The following IFT43 variants were observed in gnomAD, a reference collection of about 807,000 sequenced individuals.
IFT43 encodes the protein intraflagellar transport protein 43 homolog.
Under a neutral mutation model 32.3 loss-of-function variants are expected in IFT43, and 33 were observed. The observed-to-expected ratio is 1.02, with a 90% CI of 0.77 to 1.37. IFT43 has a LOEUF of 1.37. IFT43 is among the 40% of genes most tolerant of loss of function. IFT43 has a pLI of 0.00. For synonymous variants in IFT43, 93 were observed against 98.2 expected (o/e 0.95, Z 0.31); for missense variants, 274 against 265.9 (o/e 1.03, Z -0.21).
chr14:76,026,468 G>T (rs1339997247), intron 3 of IFT43, among the ~76,000 whole-genome samples: 2 of 147,086 alleles, frequency 1.4e-5, no homozygotes, highest in African/African-American at 5.0e-5. Flanking sequence ...CAAGGCAGTA[G>T]AATTGCTTGA....
intron 2 of IFT43, among the ~76,000 whole-genome samples, chr14:75,999,267 A>ATATATATATATATTTT (rs2035830036): frequency 4.1e-5 from 1 of 24,492 alleles, no homozygotes. Flanking sequence ...ATATATATAT[A>ATATATATATATATTTT]TATATGTATA....
At chr14:75,998,930 A>G (rs897190854) in intron 2 of IFT43, among the ~76,000 whole-genome samples, 19 of 152,194 alleles carry the variant, frequency 1.2e-4, no homozygotes, top group Non-Finnish European at 2.6e-4. Context: ...AGACAAGGTC[A>G]TGCTGTGTTG....
rs927541203 is a variant in IFT43, at chr14:76,058,261, C to T, written c.216-381C>T. 3 of 264,352 alleles carry T rather than the reference C, an allele frequency of 1.1e-5. No individual in the cohort carries two copies. In the East Asian group the frequency reaches 3.1e-4, roughly 27 times the overall value. 16.4% of individuals were successfully genotyped at this position (264,352 alleles called of 1,614,324 possible). A position where few individuals can be genotyped will look rare whatever the true frequency, so the allele number is the denominator to read the frequency against. The stretch of plus-strand genomic sequence containing the variant: ...TTTTGCTCGTTGCAAGTCGCAAGTG[C>T]TGACAGCTAACAACACCAAATAAGA... On this transcript the variant is annotated intron_variant, in intron 3 of 8. Coordinates refer to ENST00000314067, the MANE Select transcript of IFT43 (RefSeq NM_001102564.3).
chr14:76,037,774 G>A (rs968905184), intron 3 of IFT43, among the ~76,000 whole-genome samples: 8 of 151,754 alleles, frequency 5.3e-5, no homozygotes, highest in African/African-American at 1.7e-4. Flanking sequence ...TAACAAGCGA[G>A]TGGTTACTAT....
intron 2 of IFT43, among the ~76,000 whole-genome samples, chr14:76,000,825 AT>A (rs2035870879): frequency 6.6e-6 from 1 of 152,268 alleles, no homozygotes; most frequent in Non-Finnish European, 1.5e-5. Flanking sequence ...GGATAATGAC[AT>A]TTTTGAGACT....
Position 75,994,185 on chromosome 14 carries a change from T to G in IFT43, c.147+5208T>G, listed in dbSNP as rs369317360. 1.2e-3 allele frequency among the ~76,000 whole-genome samples: 187 copies of G among 152,274 alleles called. 5 individuals are homozygous for G. In the South Asian group the frequency reaches 0.037, roughly 30 times the overall value. ...TGTACATTCTTCTCCAGTTTTTGTTTTGGAGTTGAGTGAAAAAAAATTGTA... is the reference window on the plus strand; with the variant it reads ...TGTACATTCTTCTCCAGTTTTTGTTGTGGAGTTGAGTGAAAAAAAATTGTA... On this transcript the variant is annotated intron_variant, in intron 2 of 8. Coordinates refer to ENST00000314067, the MANE Select transcript of IFT43 (RefSeq NM_001102564.3).
At chr14:76,047,334 T>C (rs7148309) in intron 3 of IFT43, among the ~76,000 whole-genome samples, 127,709 of 152,154 alleles carry the variant, frequency 0.84, 53,724 homozygotes, top group Non-Finnish European at 0.87. Context: ...TCCTCTCTGA[T>C]GTGGGGAATA....
At chr14:75,991,860 TA>T (rs2035650654) in intron 2 of IFT43, among the ~76,000 whole-genome samples, 1 of 152,226 alleles carries the variant, frequency 6.6e-6, no homozygotes, top group Admixed American at 6.5e-5. Flanking sequence ...AATTGAGGTT[TA>T]AACAGTGTGG....
chr14:76,066,020 A>C (rs2037219426), intron 5 of IFT43, among the ~76,000 whole-genome samples: 1 of 152,212 alleles, frequency 6.6e-6, no homozygotes, highest in South Asian at 2.1e-4. Flanking sequence ...ATGGACCTTG[A>C]CCTCAGGGCC....
intron 3 of IFT43, among the ~76,000 whole-genome samples, chr14:76,041,825 C>G (rs2036712794): frequency 6.6e-6 from 1 of 152,148 alleles, no homozygotes; most frequent in Non-Finnish European, 1.5e-5. Flanking sequence ...GCAGTAAGTA[C>G]ATCCTAGAGA....
intron 2 of IFT43, among the ~76,000 whole-genome samples, chr14:76,007,326 G>A (rs1021565936): frequency 7.9e-5 from 12 of 152,188 alleles, no homozygotes; most frequent in Non-Finnish European, 1.3e-4. Context: ...TCACCACTGC[G>A]TGATACAGAG....
In IFT43 at chr14:76,019,854, T is replaced by A. The variant is rs545383570; in HGVS notation, c.148-2473T>A. On this transcript the variant is annotated intron_variant, in intron 2 of 8. Transcript: ENST00000314067. ...CTAGTTTATTATTGAAGCTCTTGATTGTATTTTTTCTTTCTTTCATTGACT... is the reference window on the plus strand; with the variant it reads ...CTAGTTTATTATTGAAGCTCTTGATAGTATTTTTTCTTTCTTTCATTGACT... Among the ~76,000 whole-genome samples, 19 of 152,264 alleles carry A rather than the reference T, an allele frequency of 1.2e-4. 1 individual carries two copies. The East Asian group carries it at 2.9e-3, about 23-fold the overall frequency.
intron 2 of IFT43, among the ~76,000 whole-genome samples, chr14:76,007,482 G>T (rs1399099499): frequency 6.6e-6 from 1 of 152,148 alleles, no homozygotes; most frequent in Non-Finnish European, 1.5e-5. Context: ...CAAGGTTACA[G>T]CTTGCTTCTA....
At chr14:75,997,013 G>A (rs1263185543) in intron 2 of IFT43, among the ~76,000 whole-genome samples, 1 of 152,152 alleles carries the variant, frequency 6.6e-6, no homozygotes, top group Non-Finnish European at 1.5e-5. Context: ...AGATATGAGA[G>A]TAAACACGTT....
At chr14:76,042,487 G>A (rs1194280783) in intron 3 of IFT43, among the ~76,000 whole-genome samples, 1 of 152,152 alleles carries the variant, frequency 6.6e-6, no homozygotes, top group Admixed American at 6.5e-5. Context: ...AACATGTTCA[G>A]CTTGTGAGAA....
intron 2 of IFT43, among the ~76,000 whole-genome samples, chr14:76,004,337 T>G (rs2035943210): frequency 6.8e-6 from 1 of 147,992 alleles, no homozygotes; most frequent in Non-Finnish European, 1.5e-5. Flanking sequence ...AGATTGAGAG[T>G]TTTTTTTTTC....
chr14:76,007,586 A>G (rs771943151), intron 2 of IFT43, among the ~76,000 whole-genome samples: 2 of 152,224 alleles, frequency 1.3e-5, no homozygotes, highest in African/African-American at 2.4e-5. Context: ...GTCATGTGCC[A>G]GGAGGGGTTG....
chr14:76,024,395 C>T lies in IFT43; in HGVS notation c.215+2001C>T, dbSNP rs528382052. Reference sequence around the variant, plus strand: ...TTGTTTTACTTACAGGAAGCAACATCACAATAAGATTAAAACCATGGGTGT... The same window carrying T: ...TTGTTTTACTTACAGGAAGCAACATTACAATAAGATTAAAACCATGGGTGT... On this transcript the variant is annotated intron_variant, in intron 3 of 8. Transcript: ENST00000314067. 1.2e-4 allele frequency among the ~76,000 whole-genome samples: 19 copies of T among 152,280 alleles called. No homozygotes were observed. In the South Asian group the frequency reaches 3.7e-3, roughly 30 times the overall value.
intron 2 of IFT43, among the ~76,000 whole-genome samples, chr14:76,008,809 C>T (rs760371041): frequency 6.6e-6 from 1 of 152,226 alleles, no homozygotes. Flanking sequence ...CCTAACACAG[C>T]TTGGCACAGT....
Sources: gnomAD v4.1 joint callset for allele counts (sites outside exome capture counted in the v4.1 genomes callset) on GRCh38, gnomAD v4.1.1 for gene constraint, MANE v1.5 for transcripts, NCBI Gene and HGNC (gene_info 2026-07-23, HGNC 2026-07-21) for gene names.